The following AFAP1L2 variants were observed in gnomAD, a reference collection of about 807,000 sequenced individuals.
AFAP1L2 encodes actin filament associated protein 1 like 2.
AFAP1L2 carries 46 observed loss-of-function variants against 99.3 expected under a neutral mutation model. The ratio of observed to expected loss-of-function variants is 0.46; its 90% CI spans 0.37 to 0.59. AFAP1L2 has a LOEUF of 0.59. Ranked by LOEUF, AFAP1L2 falls within the 20% of genes least tolerant of loss-of-function variation. The pLI is 0.00. For missense variants in AFAP1L2, 959 were observed against 1,034.9 expected (o/e 0.93, Z 1.01); for synonymous variants, 397 against 419.1 (o/e 0.95, Z 0.64).
intron 1 of AFAP1L2, among the ~76,000 whole-genome samples, chr10:114,366,348 G>A (rs7904749): frequency 0.049 from 7,485 of 152,198 alleles, 212 homozygotes; most frequent in African/African-American, 0.08. Flanking sequence ...GCTGTGCAGC[G>A]TACTCAAGAC....
intron 1 of AFAP1L2, among the ~76,000 whole-genome samples, chr10:114,400,327 T>C (rs1165362534): frequency 2.0e-5 from 3 of 152,160 alleles, no homozygotes; most frequent in Admixed American, 2.0e-4. Context: ...TCCCCCACTC[T>C]GCTTGGCCTT....
the AFAP1L2 span, among the ~76,000 whole-genome samples, chr10:114,283,235 A>G: frequency 1.3e-5 from 2 of 152,016 alleles, no homozygotes; most frequent in Non-Finnish European, 2.9e-5. Flanking sequence ...CCCGGAAGCA[A>G]TGCCGGCAGT....
At chr10:114,294,626 T>A (rs984753942), downstream of AFAP1L2, among the ~76,000 whole-genome samples, 3 of 152,216 alleles carry the variant, frequency 2.0e-5, no homozygotes, top group Admixed American at 6.5e-5. Flanking sequence ...TTTCTGCAGA[T>A]GTTTCCTGTG....
rs1418976793 is a variant in AFAP1L2, at chr10:114,377,797, G to C, written c.16+26643C>G. 6.6e-6 allele frequency among the ~76,000 whole-genome samples: 1 copy of C among 152,234 alleles called. No individual in the cohort carries two copies. Among genetic ancestry groups the C allele is most frequent in the Non-Finnish European group, 1.5e-5 (1 of 68,040 alleles). On this transcript the variant is annotated intron_variant, in intron 1 of 18. Transcript: ENST00000304129. The surrounding 1 kb of genome is among the most constrained non-coding windows in gnomAD (Gnocchi z 4.0). ...CAGAGGAAGGAGGACCTGTTGGCCT[G>C]AGAGGCTTAAGGAGAGAGCATCACA...
At chr10:114,341,260 G>C (rs577660538) in intron 1 of AFAP1L2, among the ~76,000 whole-genome samples, 1 of 152,122 alleles carries the variant, frequency 6.6e-6, no homozygotes, top group Non-Finnish European at 1.5e-5. Flanking sequence ...TGTAAGCCTC[G>C]CCTTGGCTTG....
chr10:114,284,759 G>C, the AFAP1L2 span: 1 of 1,065,310 alleles, frequency 9.4e-7, no homozygotes, highest in East Asian at 2.9e-5. Flanking sequence ...GGAGGGGCTG[G>C]GCCACTGCTA....
At chr10:114,346,726 T>A (rs1250834213) in intron 1 of AFAP1L2, among the ~76,000 whole-genome samples, 1 of 152,212 alleles carries the variant, frequency 6.6e-6, no homozygotes, top group African/African-American at 2.4e-5. Context: ...TGTAGGCCCT[T>A]GTGCAGGCTT....
chr10:114,317,726 G>A (rs1199633818), intron 5 of AFAP1L2, among the ~76,000 whole-genome samples: 1 of 152,160 alleles, frequency 6.6e-6, no homozygotes, highest in Non-Finnish European at 1.5e-5. Flanking sequence ...GGGCATGGTG[G>A]TATGCACCTG....
intron 4 of AFAP1L2, among the ~76,000 whole-genome samples, chr10:114,331,347 A>G (rs886304079): frequency 8.5e-5 from 13 of 152,166 alleles, no homozygotes; most frequent in African/African-American, 2.9e-4. Context: ...TGTAGTGGCT[A>G]TTCACAAGTG....
intron 5 of AFAP1L2, among the ~76,000 whole-genome samples, chr10:114,316,833 C>T (rs1044594151): frequency 7.9e-5 from 12 of 152,210 alleles, no homozygotes; most frequent in African/African-American, 2.2e-4. Context: ...CAGTCCAACC[C>T]CTGGCACAGG....
chr10:114,330,834 C>T (rs1172238628), intron 4 of AFAP1L2, among the ~76,000 whole-genome samples: 1 of 152,184 alleles, frequency 6.6e-6, no homozygotes, highest in African/African-American at 2.4e-5. Flanking sequence ...CAGGAGCTGA[C>T]ATCAGGAGAG....
the AFAP1L2 span, chr10:114,286,615 G>C: frequency 2.0e-6 from 2 of 1,007,824 alleles, no homozygotes; most frequent in South Asian, 3.5e-5. Context: ...TCTTCTAGGG[G>C]CTGAAACCAC....
At chr10:114,386,502 C>A (rs2056518406) in intron 1 of AFAP1L2, among the ~76,000 whole-genome samples, 1 of 152,240 alleles carries the variant, frequency 6.6e-6, no homozygotes, top group South Asian at 2.1e-4. Context: ...AACAAGGCAG[C>A]AGCAGCTGCA....
At chr10:114,307,967 G>C in intron 9 of AFAP1L2, 58 bp from the exon 10 acceptor site, 2 of 1,496,946 alleles carry the variant, frequency 1.3e-6, no homozygotes, top group Non-Finnish European at 1.9e-6. Context: ...ACGTGCCCAT[G>C]AGAGATGGAA....
intron 1 of AFAP1L2, among the ~76,000 whole-genome samples, chr10:114,355,156 C>T (rs992605245): frequency 2.6e-5 from 4 of 152,048 alleles, no homozygotes; most frequent in African/African-American, 4.8e-5. Context: ...TGGCTGTAAT[C>T]GGTGCTATTT....
At chr10:114,368,096 G>A (rs950997931) in intron 1 of AFAP1L2, among the ~76,000 whole-genome samples, 1 of 152,134 alleles carries the variant, frequency 6.6e-6, no homozygotes, top group Non-Finnish European at 1.5e-5. Context: ...AAGAAAGTGT[G>A]GCATATATAC....
At chr10:114,313,071 G>T (rs951227676) in intron 7 of AFAP1L2, among the ~76,000 whole-genome samples, 1 of 151,928 alleles carries the variant, frequency 6.6e-6, no homozygotes, top group Non-Finnish European at 1.5e-5. Flanking sequence ...GGTGGGGTGC[G>T]GGGTGGATAG....
At chr10:114,314,894 G>A (rs1416157923) in intron 6 of AFAP1L2, among the ~76,000 whole-genome samples, 1 of 152,184 alleles carries the variant, frequency 6.6e-6, no homozygotes, top group East Asian at 1.9e-4. Context: ...TGTAAACCCA[G>A]CACTTTGGGA....
Position 114,315,785 on chromosome 10 carries a change from G to T in AFAP1L2, c.407-20C>A, listed in dbSNP as rs374431986. 8.8e-6 allele frequency: 14 copies of T among 1,596,398 alleles called. No homozygotes were observed. Among genetic ancestry groups the T allele is most frequent in the South Asian group, 2.2e-5 (2 of 88,948 alleles). On this transcript the variant is annotated intron_variant, in intron 5 of 18. Coordinates refer to ENST00000304129, the MANE Select transcript of AFAP1L2 (RefSeq NM_001001936.3). ...CGTCCTCTGCAAGGAAGACCAGCTCGGTCAGGGCCCCATGGGGCAGGGGAC... is the reference window on the plus strand; with the variant it reads ...CGTCCTCTGCAAGGAAGACCAGCTCTGTCAGGGCCCCATGGGGCAGGGGAC...
Sources: allele counts gnomAD v4.1 joint callset (sites outside exome capture counted in the v4.1 genomes callset), GRCh38; gene constraint gnomAD v4.1.1; non-coding constraint Gnocchi (gnomAD v3.1); transcripts MANE v1.5; gene names NCBI Gene and HGNC (gene_info 2026-07-23, HGNC 2026-07-21).